Variants in LAMA3 observed in about 807,000 individuals in gnomAD.
The protein encoded by LAMA3 is laminin subunit alpha-3.
A neutral mutation model predicts 402.0 loss-of-function variants in LAMA3; 281 were observed. The ratio of observed to expected loss-of-function variants is 0.70; its 90% CI spans 0.63 to 0.77. The LOEUF (loss-of-function observed/expected upper bound fraction) is 0.77. Ranked by LOEUF, LAMA3 falls within the 30% of genes least tolerant of loss-of-function variation. LAMA3 has a pLI of 0.00. For synonymous variants in LAMA3, 1,431 were observed against 1,558.4 expected (o/e 0.92, Z 1.93); for missense variants, 3,840 against 4,215.5 (o/e 0.91, Z 2.47).
chr18:23,839,921 G>A lies in LAMA3; in HGVS notation c.3328G>A (p.Ala1110Thr), dbSNP rs753111192. The A allele has an allele frequency of 1.9e-6, 3 of 1,614,130 alleles. No homozygotes were observed. In the South Asian group the frequency reaches 3.3e-5, roughly 18 times the overall value. Reference sequence around the variant, plus strand: ...TGTTCTTCCTGGGGTCACCTTGAAGGCACCGCAGGTAGTGTGCTGTTTCTA... The same window carrying A: ...TGTTCTTCCTGGGGTCACCTTGAAGACACCGCAGGTAGTGTGCTGTTTCTA... ...VDVLPGVTLK[A>T]PQNQVTLRGR... Residue 1110 changes from alanine (A) to threonine (T), a missense_variant, in exon 27 of 75, where the codon GCA becomes ACA. Physicochemically the swap from Ala to Thr is moderately conservative, Grantham distance 58. This residue lies in a region of LAMA3 where 2,109 missense variants were observed against 2,376.0 expected (regional missense o/e 0.89). Transcript: ENST00000313654. This position sits in a 1 kb window ranked among gnomAD's most constrained non-coding sequence, Gnocchi z 4.5.
chr18:23,931,901 C>A (rs957586001), intron 65 of LAMA3, among the ~76,000 whole-genome samples: 24 of 152,234 alleles, frequency 1.6e-4, no homozygotes, highest in Non-Finnish European at 5.9e-5. Flanking sequence ...AGCCTGTGCA[C>A]TTTCTGTACA....
At position 23,914,769 on chromosome 18, in the gene LAMA3, A is replaced by C; in HGVS notation, c.7553A>C (p.Tyr2518Ser). 6.2e-7 allele frequency: 1 copy of C among 1,613,490 alleles called. No individual in the cohort carries two copies. The highest frequency in any genetic ancestry group is 8.5e-7 in the Non-Finnish European group (1 of 1,179,380). ...AGTAAACCAGAAACACCCGGAGTCT[A>C]TGACATGGATGGTAGAAATAGCAAT... is the stretch of plus-strand genomic sequence containing the variant. ...TSSKPETPGVYDMDGRNSNTL... is the reference protein window; with the variant it reads ...TSSKPETPGVSDMDGRNSNTL... The change falls in exon 58 of 75, where the codon TAT becomes TCT. Residue 2518 changes from tyrosine (Y) to serine (S), a missense_variant. Transcript: ENST00000313654.
intron 1 of LAMA3, among the ~76,000 whole-genome samples, chr18:23,706,625 C>T (rs892617748): frequency 4.6e-5 from 7 of 152,046 alleles, no homozygotes; most frequent in African/African-American, 1.4e-4. Flanking sequence ...TACTTTTGCC[C>T]GTTTTCCCAT....
intron 64 of LAMA3, 39 bp from the exon 65 acceptor site, chr18:23,931,023 T>G (rs763306859): frequency 6.3e-7 from 1 of 1,579,704 alleles, no homozygotes; most frequent in South Asian, 1.1e-5. Context: ...AATCCTTATA[T>G]GCAAATTAGT....
At chr18:23,793,344 C>T (rs1485042866) in intron 12 of LAMA3, among the ~76,000 whole-genome samples, 1 of 151,906 alleles carries the variant, frequency 6.6e-6, no homozygotes, top group African/African-American at 2.4e-5. Context: ...GAGGGGCAGT[C>T]CCTCCAGGGT....
Position 23,824,470 on chromosome 18 carries a change from G to A in LAMA3, c.2476G>A (p.Ala826Thr). Residue 826 changes from alanine (A) to threonine (T), a missense_variant, in exon 21 of 75, where the codon GCC becomes ACC. Transcript: ENST00000313654. ...CATCTTCCTGCCGAGTAAGGAGCCA[G>A]CCTTTGTCACTGTCCCTGGAAATGG... ...EIIFLPSKEPAFVTVPGNGFA... is the reference protein window; with the variant it reads ...EIIFLPSKEPTFVTVPGNGFA... The A allele has an allele frequency of 6.2e-7, 1 of 1,614,132 alleles. No individual in the cohort carries two copies. Among genetic ancestry groups the A allele is most frequent in the Non-Finnish European group, 8.5e-7 (1 of 1,179,962 alleles).
At position 23,735,564 on chromosome 18, in the gene LAMA3, A is replaced by G. The variant is rs187031773; in HGVS notation, c.448-12379A>G. 1.6e-4 allele frequency among the ~76,000 whole-genome samples: 25 copies of G among 151,992 alleles called. No homozygotes were observed. In the East Asian group the frequency reaches 4.8e-3, roughly 29 times the overall value. On this transcript the variant is annotated intron_variant, in intron 2 of 74. Transcript: ENST00000313654. ...AAGCATCTGCTCTGACCTCTTTGCT[A>G]CTTATCCTTAAACACGCTCCCTTGA... is the stretch of plus-strand genomic sequence containing the variant.
rs753318446 is a variant in LAMA3 at position 23,879,038 on chromosome 18, T to G, written c.5112+2631T>G. Among the ~76,000 whole-genome samples the G allele has an allele frequency of 2.0e-5, 3 of 151,810 alleles. No individual in the cohort carries two copies. The highest frequency in any genetic ancestry group is 4.4e-5 in the Non-Finnish European group (3 of 67,936). On this transcript the variant is annotated intron_variant, in intron 39 of 74. Transcript: ENST00000313654. The surrounding 1 kb of genome is among the most constrained non-coding windows in gnomAD (Gnocchi z 4.2). Reference sequence around the variant, plus strand: ...CGTCACCCCTTATTTTCCTCTCCGTTCCTATTTCCCTCCCCTTTTCTTTTT... The same window carrying G: ...CGTCACCCCTTATTTTCCTCTCCGTGCCTATTTCCCTCCCCTTTTCTTTTT...
chr18:23,709,979 G>A (rs1598622083), intron 1 of LAMA3: 1 of 739,708 alleles, frequency 1.4e-6, no homozygotes, highest in East Asian at 2.6e-5. Context: ...GGTGTTTGTT[G>A]GCTTTAACAT....
intron 2 of LAMA3, among the ~76,000 whole-genome samples, chr18:23,732,792 A>G (rs898824272): frequency 2.0e-5 from 3 of 152,126 alleles, no homozygotes; most frequent in African/African-American, 7.2e-5. Context: ...CTCTGTATCT[A>G]TAAATTAGAG....
In LAMA3 at chr18:23,763,505, G is replaced by T. The variant is rs1015943069; in HGVS notation, c.1164G>T (p.Gly388=). ...CCCAGGGCATCTATGCTGGTGGAGG[G>T]GTCTGCATTAACTGTCAGGTGAGGC... ...LNTQGIYAGG[G]VCINCQHNTA... is the part of the protein sequence containing the mutation. The change falls in exon 8 of 75, where the codon GGG becomes GGT. Residue 388 remains glycine, a synonymous_variant. Transcript: ENST00000313654. 6.2e-7 allele frequency: 1 copy of T among 1,605,292 alleles called. No homozygotes were observed. The highest frequency in any genetic ancestry group is 8.5e-7 in the Non-Finnish European group (1 of 1,172,068).
At chr18:23,711,780 G>C (rs1020185574) in intron 1 of LAMA3, among the ~76,000 whole-genome samples, 13 of 152,114 alleles carry the variant, frequency 8.5e-5, no homozygotes, top group Admixed American at 6.5e-5. Context: ...CATAATAGGT[G>C]CTCTACAAAT....
intron 40 of LAMA3, among the ~76,000 whole-genome samples, chr18:23,883,843 C>T (rs759206303): frequency 2.0e-5 from 3 of 152,152 alleles, no homozygotes; most frequent in South Asian, 2.1e-4. Flanking sequence ...TGAAGTAACA[C>T]GTAGGTCTTT....
rs1295106064 is a variant in LAMA3, at chr18:23,939,261, G to A, written c.8901G>A (p.Val2967=). Residue 2967 remains valine (V), a synonymous_variant, in exon 68 of 75, where the codon GTG becomes GTA. Transcript: ENST00000313654. ...CACCAGTGGCCTCCCCAAGGAGCGTGAAGGTGTGGCAAGATGCTTGCTCAC... is the reference window on the plus strand; with the variant it reads ...CACCAGTGGCCTCCCCAAGGAGCGTAAAGGTGTGGCAAGATGCTTGCTCAC... ...QDTPVASPRS[V]KVWQDACSPL... is the part of the protein sequence containing the mutation. The A allele has an allele frequency of 6.2e-7, 1 of 1,614,220 alleles. No individual in the cohort carries two copies. The highest frequency in any genetic ancestry group is 1.1e-5 in the South Asian group (1 of 91,084).
rs373731359 is a variant in LAMA3, at chr18:23,894,979, C to T, written c.5534C>T (p.Ser1845Phe). The T allele has an allele frequency of 6.2e-7, 1 of 1,614,046 alleles. No individual in the cohort carries two copies. Residue 1845 changes from serine to phenylalanine, a missense_variant, in exon 44 of 75, where the codon TCT becomes TTT. Ser to Phe is a radical substitution (Grantham distance 155). Around this residue, in one of 3 missense-constraint regions of LAMA3, gnomAD observed 891 missense variants for 857.5 expected, o/e 1.04. Transcript: ENST00000313654. ...TMGEQLRLVK[S>F]QLQGLSASAG... ...GGCGAGCAGCTCCGCCTGGTCAAGT[C>T]TCAGCTGCAGGGCCTGAGTGCCAGC... is the stretch of plus-strand genomic sequence containing the variant.
chr18:23,950,464 C>G (rs905656369), intron 72 of LAMA3, among the ~76,000 whole-genome samples: 2 of 152,170 alleles, frequency 1.3e-5, no homozygotes, highest in African/African-American at 2.4e-5. Context: ...TAGATAATAA[C>G]TCTTATAACT....
Position 23,905,591 on chromosome 18 carries a change from G to T in LAMA3, c.6685G>T (p.Glu2229Ter). ...LSSNSDKLLN[E>*]AKMTQKKLKQ... ...TTCCAACAGTGATAAACTGTTAAAT[G>T]AAGCCAAGATGACACAAAAGAAGCT... is the stretch of plus-strand genomic sequence containing the variant. Residue 2229 changes from glutamate to a stop codon, truncating the protein, a stop_gained, in exon 52 of 75, where the codon GAA (glutamate) becomes TAA (stop). Transcript: ENST00000313654. LOFTEE classifies it high-confidence loss of function. 6.2e-7 allele frequency: 1 copy of T among 1,610,976 alleles called. No individual in the cohort carries two copies. Among genetic ancestry groups the T allele is most frequent in the Non-Finnish European group, 8.5e-7 (1 of 1,177,594 alleles).
At chr18:23,872,762 T>C in intron 38 of LAMA3, 1 of 465,196 alleles carries the variant, frequency 2.1e-6, no homozygotes, top group South Asian at 2.1e-5. Flanking sequence ...GCGTGTTCCC[T>C]GCCCGTGACT....
chr18:23,742,364 A>G (rs2061578750), intron 2 of LAMA3, among the ~76,000 whole-genome samples: 1 of 152,204 alleles, frequency 6.6e-6, no homozygotes, highest in African/African-American at 2.4e-5. Context: ...GCCGTATGTA[A>G]TCCTTGATTA....
Sources: allele counts gnomAD v4.1 joint callset (sites outside exome capture counted in the v4.1 genomes callset), GRCh38; gene constraint gnomAD v4.1.1; regional missense constraint gnomAD v4.1.1; non-coding constraint Gnocchi (gnomAD v3.1); transcripts MANE v1.5; gene names NCBI Gene and HGNC (gene_info 2026-07-23, HGNC 2026-07-21).